The following POM121 variants were observed in gnomAD, a reference collection of about 807,000 sequenced individuals.
POM121 encodes the protein nuclear envelope pore membrane protein POM 121.
Under a neutral mutation model 81.3 loss-of-function variants are expected in POM121, and 32 were observed. The observed-to-expected ratio is 0.39, with a 90% CI of 0.30 to 0.53. POM121 has a LOEUF of 0.53. Ranked by LOEUF, POM121 falls within the 20% of genes least tolerant of loss-of-function variation. POM121 has a pLI of 0.66. For synonymous variants in POM121, 514 were observed against 694.2 expected (o/e 0.74, Z 4.08); for missense variants, 1,138 against 1,614.6 (o/e 0.70, Z 5.06).
chr7:72,922,632 T>C (rs1794918396), upstream of POM121, among the ~76,000 whole-genome samples: 1 of 151,876 alleles, frequency 6.6e-6, no homozygotes, highest in African/African-American at 2.4e-5. Flanking sequence ...CTCAAAGCGA[T>C]CCGCCCACCT....
chr7:72,896,300 C>T (rs782789265), intron 3 of POM121, among the ~76,000 whole-genome samples: 6 of 151,828 alleles, frequency 4.0e-5, no homozygotes, highest in Non-Finnish European at 7.4e-5. Flanking sequence ...GCCTGGGCAA[C>T]ATAAGGAGAC....
Position 72,945,649 on chromosome 7 carries a change from G to A in POM121, c.3593G>A (p.Ser1198Asn). 6.2e-7 allele frequency: 1 copy of A among 1,613,200 alleles called. No individual in the cohort carries two copies. The highest frequency in any genetic ancestry group is 2.2e-5 in the East Asian group (1 of 44,848). ...PAPGVGTSGS[S>N]LSFGASSAPA... ...CCTGGAGTGGGCACATCAGGCAGCA[G>A]CCTCTCCTTTGGGGCATCCTCAGCA... The change falls in exon 12 of 13, where the codon AGC (serine) becomes AAC (asparagine). Residue 1198 changes from serine to asparagine, a missense_variant. Physicochemically the swap from Ser to Asn is conservative, Grantham distance 46. Around this residue, in one of 7 missense-constraint regions of POM121, gnomAD observed 336 missense variants for 344.3 expected, o/e 0.98. Transcript: ENST00000434423.
rs782249855 is a variant in POM121, at chr7:72,926,249, G to T, written c.645-13G>T. ...TTGCTTTGGTTCCGTGATTTGTCTC[G>T]CATTCTCTGCAGGGATTGTGGGACT... is the stretch of plus-strand genomic sequence containing the variant. On this transcript the variant is annotated splice_polypyrimidine_tract_variant and intron_variant, in intron 1 of 12. Transcript: ENST00000434423. 5.2e-6 allele frequency: 8 copies of T among 1,549,188 alleles called. No homozygotes were observed. In the South Asian group the frequency reaches 7.1e-5, roughly 14 times the overall value.
downstream of POM121, chr7:72,950,125 A>G (rs1797962647): frequency 6.2e-7 from 1 of 1,602,968 alleles, no homozygotes; most frequent in African/African-American, 1.4e-5. Flanking sequence ...CTGGGCGGGA[A>G]ACACCAGCAG....
At chr7:72,930,825 C>T (rs1795944559) in intron 5 of POM121, among the ~76,000 whole-genome samples, 2 of 151,970 alleles carry the variant, frequency 1.3e-5, no homozygotes, top group South Asian at 4.2e-4. Flanking sequence ...AAGACTGTGT[C>T]TCAAAGAAAA....
intron 4 of POM121, among the ~76,000 whole-genome samples, chr7:72,929,483 ACT>A (rs1795804939): frequency 6.6e-6 from 1 of 152,072 alleles, no homozygotes; most frequent in Non-Finnish European, 1.5e-5. Flanking sequence ...GTTCCTCTTA[ACT>A]CTGATTTTTT....
chr7:72,944,679 GT>G (rs1174631666), intron 11 of POM121, among the ~76,000 whole-genome samples: 1 of 152,134 alleles, frequency 6.6e-6, no homozygotes, highest in Non-Finnish European at 1.5e-5. Flanking sequence ...AGCTCAGGGG[GT>G]GCAGGAGTGG....
rs532710817 is a variant in POM121 at position 72,893,635 on chromosome 7, A to G, written c.-216+2525A>G. ...TACCGTCTTAACCATTTTTAAGTGTACGGTAATGTTAACTGTATTTGCATT... is the reference window on the plus strand; with the variant it reads ...TACCGTCTTAACCATTTTTAAGTGTGCGGTAATGTTAACTGTATTTGCATT... On this transcript the variant is annotated intron_variant, in intron 3 of 15. Coordinates refer to the POM121 transcript ENST00000395270. Among the ~76,000 whole-genome samples, 3 of 152,318 alleles carry G rather than the reference A, an allele frequency of 2.0e-5. 1 individual carries two copies. The highest frequency in any genetic ancestry group is 2.0e-4 in the Admixed American group (3 of 15,300).
At chr7:72,941,103 C>T (rs1357365183) in intron 10 of POM121, 110 bp downstream of exon 10, 17 of 841,046 alleles carry the variant, frequency 2.0e-5, no homozygotes, top group East Asian at 5.3e-5. Context: ...GCAGGCCGAA[C>T]GCACCCTGGC....
At chr7:72,938,451 A>G in intron 5 of POM121, 139 bp from the exon 6 acceptor site, 1 of 1,076,748 alleles carries the variant, frequency 9.3e-7, no homozygotes. Context: ...TTGGCCTCCC[A>G]GCATGCTGGG....
chr7:72,884,415 G>A (rs1179285024), intron 1 of POM121, among the ~76,000 whole-genome samples: 8 of 151,056 alleles, frequency 5.3e-5, no homozygotes, highest in East Asian at 3.9e-4. Flanking sequence ...TTGGCCAGAC[G>A]GAATCCCTTT....
Position 72,938,588 on chromosome 7 carries a change from A to G in POM121, c.1276-2A>G, listed in dbSNP as rs1554499979. 6.2e-7 allele frequency: 1 copy of G among 1,613,680 alleles called. No homozygotes were observed. The highest frequency in any genetic ancestry group is 1.1e-5 in the South Asian group (1 of 91,074). On this transcript the variant is annotated splice_acceptor_variant, in intron 5 of 12. Coordinates refer to ENST00000434423, the MANE Select transcript of POM121 (RefSeq NM_001387691.1). LOFTEE classifies it high-confidence loss of function. Reference sequence around the variant, plus strand: ...CTCAGTCATGTCCCTCTTGATTTTTAGCTCTGGAAGAGAAATGGCCCCAGT... The same window carrying G: ...CTCAGTCATGTCCCTCTTGATTTTTGGCTCTGGAAGAGAAATGGCCCCAGT...
intron 3 of POM121, among the ~76,000 whole-genome samples, chr7:72,901,969 G>T (rs7809943): frequency 2.0e-5 from 3 of 149,344 alleles, no homozygotes; most frequent in African/African-American, 5.1e-5. Flanking sequence ...AAAATTAGCC[G>T]GGCATGGTGG....
chr7:72,927,077 G>GC, intron 3 of POM121, 114 bp downstream of exon 3: 2 of 1,532,640 alleles, frequency 1.3e-6, no homozygotes, highest in Non-Finnish European at 1.8e-6. Flanking sequence ...GCCTTCGTAG[G>GC]CCCCCTTCTT....
chr7:72,889,529 C>G (rs1308945502), intron 1 of POM121, among the ~76,000 whole-genome samples: 3 of 150,102 alleles, frequency 2.0e-5, no homozygotes, highest in Non-Finnish European at 4.4e-5. Flanking sequence ...TTTTTTGAGA[C>G]AAGGTCTCGC....
chr7:72,931,162 ATAT>A (rs1554498551), intron 5 of POM121, among the ~76,000 whole-genome samples: 1 of 152,152 alleles, frequency 6.6e-6, no homozygotes, highest in East Asian at 1.9e-4. Flanking sequence ...GGGATAATTA[ATAT>A]TATTTAATAT....
intron 3 of POM121, chr7:72,913,677 T>C (rs1345836112): frequency 6.6e-6 from 1 of 152,510 alleles, no homozygotes; most frequent in African/African-American, 2.4e-5. Context: ...ATTGTCATCA[T>C]ACTGAAGCAA....
At chr7:72,893,139 G>A (rs1791474345) in intron 3 of POM121, among the ~76,000 whole-genome samples, 1 of 151,910 alleles carries the variant, frequency 6.6e-6, no homozygotes, top group East Asian at 2.0e-4. Flanking sequence ...TGTATTTTTA[G>A]TAGAGACGGG....
intron 4 of POM121, among the ~76,000 whole-genome samples, chr7:72,914,556 T>A (rs782773399): frequency 1.0e-3 from 157 of 151,814 alleles, no homozygotes; most frequent in Non-Finnish European, 1.8e-3. Context: ...GGTCTCGCTG[T>A]AGAGATAGGG....
Sources: allele counts gnomAD v4.1 joint callset (sites outside exome capture counted in the v4.1 genomes callset), GRCh38; gene constraint gnomAD v4.1.1; regional missense constraint gnomAD v4.1.1; transcripts MANE v1.5; gene names NCBI Gene and HGNC (gene_info 2026-07-23, HGNC 2026-07-21).